SLC7A14: variants seen among roughly 807,000 people sequenced by gnomAD.
SLC7A14 encodes the protein solute carrier family 7 member 14.
A neutral mutation model predicts 60.2 loss-of-function variants in SLC7A14; 37 were observed. The ratio of observed to expected loss-of-function variants is 0.61; its 90% CI spans 0.47 to 0.81. SLC7A14 has a LOEUF of 0.81. SLC7A14 is among the 30% of genes least tolerant of loss of function. The probability of loss-of-function intolerance (pLI) is 0.00; values close to 1 mark genes in which losing one functional copy is unlikely to be tolerated. For missense variants in SLC7A14, 886 were observed against 982.7 expected (o/e 0.90, Z 1.32); for synonymous variants, 399 against 395.8 (o/e 1.01, Z -0.10).
chr3:170,496,772 C>T (rs898802508), intron 4 of SLC7A14: 6 of 723,586 alleles, frequency 8.3e-6, no homozygotes, highest in African/African-American at 1.7e-5. Flanking sequence ...GGCTCTGTCG[C>T]GGGCTCCAGC....
At position 170,501,104 on chromosome 3, in the gene SLC7A14, C is replaced by G. The variant is rs763828026; in HGVS notation, c.541+5G>C. Reference sequence around the variant, plus strand: ...GTTGAGGGTAGGAGGATGTGGCAGTCTCACCCAGGCCATTGAGGGTTCCCA... The same window carrying G: ...GTTGAGGGTAGGAGGATGTGGCAGTGTCACCCAGGCCATTGAGGGTTCCCA... On this transcript the variant is annotated splice_donor_5th_base_variant and intron_variant, in intron 3 of 7. Transcript: ENST00000231706. 1.2e-6 allele frequency: 2 copies of G among 1,614,028 alleles called. No individual in the cohort carries two copies. The highest frequency in any genetic ancestry group is 1.7e-5 in the Admixed American group (1 of 60,032).
intron 7 of SLC7A14, among the ~76,000 whole-genome samples, chr3:170,477,435 C>T (rs1711653548): frequency 6.6e-6 from 1 of 152,224 alleles, no homozygotes; most frequent in Non-Finnish European, 1.5e-5. Flanking sequence ...CTGCTATATT[C>T]TAGCTATGTG....
intron 4 of SLC7A14, among the ~76,000 whole-genome samples, chr3:170,493,180 T>C (rs187362287): frequency 2.0e-5 from 3 of 152,222 alleles, no homozygotes; most frequent in Non-Finnish European, 4.4e-5. Flanking sequence ...GAATTGCAGA[T>C]GGAAGCAGGG....
At chr3:170,488,091 TA>T (rs1712091935) in intron 4 of SLC7A14, among the ~76,000 whole-genome samples, 1 of 152,196 alleles carries the variant, frequency 6.6e-6, no homozygotes, top group Non-Finnish European at 1.5e-5. Flanking sequence ...TAAAAATACT[TA>T]ATACTACATT....
chr3:170,563,409 GTTTGTTTGTTTTTT>G (rs1714707104), intron 1 of SLC7A14, among the ~76,000 whole-genome samples: 2 of 102,448 alleles, frequency 2.0e-5, no homozygotes. Context: ...AACACTGTTT[GTTTGTTTGTTTTTT>G]TTTTTTTTTT....
At chr3:170,488,905 G>C (rs1426102977) in intron 4 of SLC7A14, among the ~76,000 whole-genome samples, 2 of 151,794 alleles carry the variant, frequency 1.3e-5, no homozygotes, top group Non-Finnish European at 2.9e-5. Flanking sequence ...CAGTATGTTG[G>C]CTATCTCTAT....
chr3:170,578,166 G>A (rs1426031433), intron 1 of SLC7A14, among the ~76,000 whole-genome samples: 1 of 152,250 alleles, frequency 6.6e-6, no homozygotes, highest in African/African-American at 2.4e-5. Context: ...ATCTATTTCT[G>A]GTGGTGTGGC....
At position 170,480,300 on chromosome 3, in the gene SLC7A14, C is replaced by T; in HGVS notation, c.1982G>A (p.Trp661Ter). ...AGGAAGTTGCTTACCCACAAAGCAC[C>T]AGACCGCAAACCGGATCCATGTGAT... is the stretch of plus-strand genomic sequence containing the variant. ...STITWIRFAV[W>*]CFVGLLIYFG... Residue 661 changes from tryptophan to a stop codon, truncating the protein, a stop_gained, in exon 7 of 8, where the codon TGG becomes TAG. Transcript: ENST00000231706. LOFTEE classifies it high-confidence loss of function. 1 of 1,530,100 alleles carries T rather than the reference C, an allele frequency of 6.5e-7. No homozygotes were observed. Among genetic ancestry groups the T allele is most frequent in the Non-Finnish European group, 8.8e-7 (1 of 1,139,340 alleles). 94.8% of individuals were successfully genotyped at this position (1,530,100 alleles called of 1,614,324 possible). A position where few individuals can be genotyped will look rare whatever the true frequency, so the allele number is the denominator to read the frequency against.
At chr3:170,493,724 T>C (rs1712295368) in intron 4 of SLC7A14, among the ~76,000 whole-genome samples, 1 of 152,326 alleles carries the variant, frequency 6.6e-6, no homozygotes, top group Admixed American at 6.5e-5. Context: ...AAAATGACTT[T>C]GCTGGACTTT....
At chr3:170,538,858 C>T (rs1387908945) in intron 1 of SLC7A14, among the ~76,000 whole-genome samples, 2 of 152,204 alleles carry the variant, frequency 1.3e-5, no homozygotes, top group Non-Finnish European at 2.9e-5. Context: ...TTCCTGTTTT[C>T]CTCACCTTTT....
intron 1 of SLC7A14, among the ~76,000 whole-genome samples, chr3:170,552,599 G>A (rs928834164): frequency 4.6e-5 from 7 of 152,104 alleles, no homozygotes; most frequent in African/African-American, 1.4e-4. Flanking sequence ...AACATTATTA[G>A]CCTCTGACAA....
intron 1 of SLC7A14, among the ~76,000 whole-genome samples, chr3:170,549,570 T>C (rs1316209198): frequency 6.6e-6 from 1 of 152,126 alleles, no homozygotes; most frequent in East Asian, 1.9e-4. Context: ...CTATAGCTCT[T>C]ATATAAGCCC....
chr3:170,533,531 T>C (rs985348752), intron 1 of SLC7A14, among the ~76,000 whole-genome samples: 8 of 152,238 alleles, frequency 5.3e-5, no homozygotes, highest in Admixed American at 3.3e-4. Context: ...TCACATGTTA[T>C]AGCTTCTAGA....
chr3:170,527,145 C>T (rs1713534613), intron 1 of SLC7A14, 57 bp from the exon 2 acceptor site: 1 of 598,820 alleles, frequency 1.7e-6, no homozygotes, highest in Non-Finnish European at 2.9e-6. Flanking sequence ...CAAACCTTGA[C>T]TTGCGGGGAT....
At chr3:170,575,357 A>T (rs992489203) in intron 1 of SLC7A14, among the ~76,000 whole-genome samples, 1 of 152,206 alleles carries the variant, frequency 6.6e-6, no homozygotes, top group African/African-American at 2.4e-5. Flanking sequence ...AATCTCTGGC[A>T]GTTTGAAATG....
At chr3:170,510,567 A>G (rs948620725) in intron 2 of SLC7A14, among the ~76,000 whole-genome samples, 1 of 152,192 alleles carries the variant, frequency 6.6e-6, no homozygotes, top group African/African-American at 2.4e-5. Flanking sequence ...AATAATCATC[A>G]TCAGCATACA....
chr3:170,486,674 A>C (rs1037509589), intron 4 of SLC7A14, among the ~76,000 whole-genome samples: 1 of 152,014 alleles, frequency 6.6e-6, no homozygotes, highest in Admixed American at 6.6e-5. Context: ...GAGTTTGAGA[A>C]CAGCCTTACC....
chr3:170,489,002 GGATGTTTGGAAA>G (rs1712130476), intron 4 of SLC7A14, among the ~76,000 whole-genome samples: 1 of 150,510 alleles, frequency 6.6e-6, no homozygotes, highest in Non-Finnish European at 1.5e-5. Flanking sequence ...TACCCCTAGG[GGATGTTTGGAAA>G]GATGTTTGGA....
intron 2 of SLC7A14, among the ~76,000 whole-genome samples, chr3:170,521,959 T>A (rs1713354069): frequency 6.6e-6 from 1 of 152,026 alleles, no homozygotes; most frequent in Non-Finnish European, 1.5e-5. Flanking sequence ...GCAAAAGATT[T>A]AAATAGACAC....
Sources: gnomAD v4.1 joint callset for allele counts (sites outside exome capture counted in the v4.1 genomes callset) on GRCh38, gnomAD v4.1.1 for gene constraint, MANE v1.5 for transcripts, NCBI Gene and HGNC (gene_info 2026-07-23, HGNC 2026-07-21) for gene names.